Variants in IMMP2L observed in about 807,000 individuals in gnomAD.
The protein encoded by IMMP2L is inner mitochondrial membrane peptidase subunit 2.
In IMMP2L, 18 loss-of-function variants were observed where a neutral mutation model predicts 19.3. The observed-to-expected ratio is 0.93, with a 90% confidence interval of 0.64 to 1.38. The LOEUF (loss-of-function observed/expected upper bound fraction) is 1.38. Among genes scored for constraint, IMMP2L ranks in the 40% most tolerant of loss-of-function variants. IMMP2L has a pLI of 0.00. For synonymous variants in IMMP2L, 76 were observed against 73.0 expected, an observed-to-expected ratio of 1.04 and a Z score of -0.21; for missense variants, 233 against 218.2, an observed-to-expected ratio of 1.07 and a Z score of -0.43.
chr7:111,293,010 T>C (rs943171487), intron 3 of IMMP2L, among the ~76,000 whole-genome samples: 10 of 152,012 alleles, frequency 6.6e-5, no homozygotes, highest in Admixed American at 5.9e-4. Context: ...AAGACTTAAC[T>C]CTTAGCATAT....
At chr7:111,381,186 G>T (rs1347257158) in intron 3 of IMMP2L, among the ~76,000 whole-genome samples, 1 of 151,964 alleles carries the variant, frequency 6.6e-6, no homozygotes, top group Non-Finnish European at 1.5e-5. Context: ...GAGGGAAGTA[G>T]AGAAGGGCCA....
At chr7:111,255,015 T>C (rs571438206) in intron 3 of IMMP2L, among the ~76,000 whole-genome samples, 5 of 152,240 alleles carry the variant, frequency 3.3e-5, no homozygotes, top group Admixed American at 2.0e-4. Context: ...ATAACTACTT[T>C]AAATTTTTAA....
chr7:111,502,181 CAA>C (rs1442749403), intron 2 of IMMP2L, among the ~76,000 whole-genome samples: 1 of 151,904 alleles, frequency 6.6e-6, no homozygotes, highest in Non-Finnish European at 1.5e-5. Context: ...TAGTCTCTGA[CAA>C]AACAGACTTT....
At chr7:110,983,058 T>C (rs1349256638) in intron 3 of IMMP2L, among the ~76,000 whole-genome samples, 1 of 152,194 alleles carries the variant, frequency 6.6e-6, no homozygotes, top group South Asian at 2.1e-4. Context: ...TTTATAGTCA[T>C]GCAATTATCA....
At chr7:111,060,112 C>T (rs1401534235) in intron 3 of IMMP2L, among the ~76,000 whole-genome samples, 3 of 151,994 alleles carry the variant, frequency 2.0e-5, no homozygotes, top group Non-Finnish European at 4.4e-5. Context: ...GTGTAATAAA[C>T]CCAAAGAAGC....
chr7:111,530,958 ATTT>A (rs145159226), intron 1 of IMMP2L, among the ~76,000 whole-genome samples: 2 of 143,296 alleles, frequency 1.4e-5, no homozygotes, highest in Admixed American at 7.0e-5. Context: ...CTGAATATTA[ATTT>A]TTTTTTTTTT....
chr7:110,783,517 T>TTTAA (rs1799878342), intron 5 of IMMP2L, among the ~76,000 whole-genome samples: 1 of 151,826 alleles, frequency 6.6e-6, no homozygotes, highest in African/African-American at 2.4e-5. Context: ...TTTAAAGAAC[T>TTTAA]GAAAAAATTT....
chr7:111,145,297 C>T (rs214842), intron 3 of IMMP2L, among the ~76,000 whole-genome samples: 12,413 of 152,016 alleles, frequency 0.082, 1,095 homozygotes, highest in African/African-American at 0.22. Context: ...AGAGAGGAAC[C>T]ATGGCTGGAG....
intron 2 of IMMP2L, among the ~76,000 whole-genome samples, chr7:111,513,874 T>C (rs1845659095): frequency 6.6e-6 from 1 of 152,064 alleles, no homozygotes; most frequent in African/African-American, 2.4e-5. Context: ...GAAATCTTGT[T>C]ATTTGTGACA....
rs370612291 is a variant in IMMP2L at position 110,870,551 on chromosome 7, A to AGT, written c.408+16040_408+16041dup. On this transcript the variant is annotated intron_variant, in intron 5 of 5. Transcript: ENST00000405709. The surrounding 1 kb of genome is among the most constrained non-coding windows in gnomAD (Gnocchi z 4.2). ...TAGTAGCTAGAAGCAGGTGTGTGTG[A>AGT]GTGTGTGTGTGTGCACGCGCATGTG... Among the ~76,000 whole-genome samples, 1 of 151,840 alleles carries AGT rather than the reference A, an allele frequency of 6.6e-6. No homozygotes were observed. The highest frequency in any genetic ancestry group is 1.5e-5 in the Non-Finnish European group (1 of 67,932).
chr7:111,534,081 CAA>C (rs1847649943), intron 1 of IMMP2L, among the ~76,000 whole-genome samples: 1 of 151,770 alleles, frequency 6.6e-6, no homozygotes, highest in South Asian at 2.1e-4. Flanking sequence ...TAAATAAAAA[CAA>C]AGTACTACTT....
intron 3 of IMMP2L, among the ~76,000 whole-genome samples, chr7:111,170,101 T>C (rs1301619828): frequency 6.6e-6 from 1 of 151,948 alleles, no homozygotes; most frequent in African/African-American, 2.4e-5. Context: ...CAGTTGAAAC[T>C]GCTGAAACTA....
chr7:111,008,596 A>G (rs947259989), intron 3 of IMMP2L, among the ~76,000 whole-genome samples: 1 of 151,376 alleles, frequency 6.6e-6, no homozygotes, highest in African/African-American at 2.4e-5. Context: ...CACACACACA[A>G]TGTTGCTGCT....
chr7:110,811,442 G>A lies in IMMP2L; in HGVS notation c.408+75151C>T, dbSNP rs189895817. Among the ~76,000 whole-genome samples, 432 of 152,062 alleles carry A rather than the reference G, an allele frequency of 2.8e-3. 4 individuals carry two copies. Among genetic ancestry groups the A allele is most frequent in the African/African-American group, 9.8e-3 (407 of 41,514 alleles). On this transcript the variant is annotated intron_variant, in intron 5 of 5. Transcript: ENST00000405709. ...TCATATATTCATAAACAAATATAAG[G>A]GATGGCAATTTATTATAAATATCAT...
At chr7:111,063,231 G>A (rs969535188) in intron 3 of IMMP2L, among the ~76,000 whole-genome samples, 2 of 152,314 alleles carry the variant, frequency 1.3e-5, no homozygotes, top group East Asian at 3.9e-4. Context: ...ATGTGGAGCT[G>A]CCAAGGTTTG....
At position 111,540,964 on chromosome 7, in the gene IMMP2L, T is replaced by G. The variant is rs1848460973; in HGVS notation, c.-2-19515A>C. Among the ~76,000 whole-genome samples the G allele has an allele frequency of 2.0e-5, 3 of 152,176 alleles. No individual in the cohort carries two copies. The South Asian group carries it at 6.2e-4, about 32-fold the overall frequency. On this transcript the variant is annotated intron_variant, in intron 1 of 5. Coordinates refer to ENST00000405709, the MANE Select transcript of IMMP2L (RefSeq NM_032549.4). ...CTGATACTACCTCTCCATGCATGCG[T>G]CCCTCCCAAAGACCAAGTGCCCACT...
chr7:111,079,173 A>C (rs2129576200), intron 3 of IMMP2L, among the ~76,000 whole-genome samples: 1 of 148,942 alleles, frequency 6.7e-6, no homozygotes, highest in Non-Finnish European at 1.5e-5. Flanking sequence ...GCTGGAGTGC[A>C]GTGGCGGGAT....
At position 110,755,362 on chromosome 7, in the gene IMMP2L, G is replaced by T. The variant is rs370973013; in HGVS notation, c.409-91641C>A. Among the ~76,000 whole-genome samples the T allele has an allele frequency of 2.6e-5, 4 of 152,096 alleles. 1 individual carries two copies. In the East Asian group the frequency reaches 5.8e-4, roughly 22 times the overall value. On this transcript the variant is annotated intron_variant, in intron 5 of 5. Coordinates refer to ENST00000405709, the MANE Select transcript of IMMP2L (RefSeq NM_032549.4). ...TTAGTAATTTCTAGACAAAAATAGA[G>T]AAAAGTTAACAGACTGGTTATTTAA...
intron 3 of IMMP2L, among the ~76,000 whole-genome samples, chr7:111,330,057 A>AT (rs1230508364): frequency 6.6e-6 from 1 of 151,926 alleles, no homozygotes; most frequent in Non-Finnish European, 1.5e-5. Context: ...AATTAGGTAG[A>AT]TTTAAAAAAC....
Sources: gnomAD v4.1 joint callset for allele counts (sites outside exome capture counted in the v4.1 genomes callset) on GRCh38, gnomAD v4.1.1 for gene constraint, Gnocchi (gnomAD v3.1) non-coding constraint, MANE v1.5 for transcripts, NCBI Gene and HGNC (gene_info 2026-07-23, HGNC 2026-07-21) for gene names.